The following CNTNAP2 variants were observed in gnomAD, a reference collection of about 807,000 sequenced individuals.
CNTNAP2 encodes contactin associated protein 2, also known as contactin-associated protein-like 2.
A neutral mutation model predicts 155.2 loss-of-function variants in CNTNAP2; 98 were observed. The observed-to-expected ratio is 0.63, with a 90% CI of 0.54 to 0.75. The LOEUF is 0.75. Ranked by LOEUF, CNTNAP2 falls within the 30% of genes least tolerant of loss-of-function variation. The pLI, the probability that CNTNAP2 is intolerant of heterozygous loss-of-function variation, is 0.00. For synonymous variants in CNTNAP2, 651 were observed against 631.2 expected (o/e 1.03, Z -0.47); for missense variants, 1,727 against 1,688.1 (o/e 1.02, Z -0.40).
At chr7:147,053,441 A>G (rs1484145568) in intron 4 of CNTNAP2, among the ~76,000 whole-genome samples, 1 of 152,110 alleles carries the variant, frequency 6.6e-6, no homozygotes, top group African/African-American at 2.4e-5. Context: ...GGAACAAGAC[A>G]GTTACAATTG....
intron 1 of CNTNAP2, among the ~76,000 whole-genome samples, chr7:146,297,964 A>C (rs2129087803): frequency 6.6e-6 from 1 of 152,252 alleles, no homozygotes; most frequent in South Asian, 2.1e-4. Flanking sequence ...TTTTGTTTGA[A>C]GAAATACTCT....
chr7:147,156,151 A>G (rs1442167190), intron 8 of CNTNAP2, among the ~76,000 whole-genome samples: 1 of 152,122 alleles, frequency 6.6e-6, no homozygotes, highest in African/African-American at 2.4e-5. Context: ...GGAGCCTCAT[A>G]CCCAGCATCA....
At chr7:147,510,289 G>A (rs542120209) in intron 11 of CNTNAP2, among the ~76,000 whole-genome samples, 1 of 152,218 alleles carries the variant, frequency 6.6e-6, no homozygotes, top group South Asian at 2.1e-4. Flanking sequence ...AGAGCAAATT[G>A]GCTGGCCATT....
At chr7:146,280,904 A>C (rs1800241137) in intron 1 of CNTNAP2, among the ~76,000 whole-genome samples, 6 of 152,172 alleles carry the variant, frequency 3.9e-5, no homozygotes, top group Admixed American at 3.9e-4. Flanking sequence ...TGAGCCAAAG[A>C]GACACCATGC....
intron 3 of CNTNAP2, among the ~76,000 whole-genome samples, chr7:146,903,001 A>T (rs1796034736): frequency 6.6e-6 from 1 of 152,202 alleles, no homozygotes; most frequent in South Asian, 2.1e-4. Context: ...CTGGACTACC[A>T]GCTGATTTTA....
At chr7:147,569,355 C>T (rs1026077710) in intron 12 of CNTNAP2, among the ~76,000 whole-genome samples, 3 of 151,232 alleles carry the variant, frequency 2.0e-5, no homozygotes, top group African/African-American at 7.3e-5. Flanking sequence ...ACCCACCCAC[C>T]TCCACCTCCC....
At position 146,788,485 on chromosome 7, in the gene CNTNAP2, T is replaced by A. The variant is rs530879216; in HGVS notation, c.208+14104T>A. Among the ~76,000 whole-genome samples the A allele has an allele frequency of 9.9e-5, 15 of 152,280 alleles. No individual in the cohort carries two copies. The South Asian group carries it at 3.1e-3, about 32-fold the overall frequency. On this transcript the variant is annotated intron_variant, in intron 2 of 23. Transcript: ENST00000361727. ...TAAATTTATTCCAACAAGAGGCTAA[T>A]AAAGCAGAAATGATGACTTCTTTAC...
At chr7:146,398,184 C>T (rs1165301855) in intron 1 of CNTNAP2, among the ~76,000 whole-genome samples, 18 of 107,020 alleles carry the variant, frequency 1.7e-4, no homozygotes, top group African/African-American at 3.3e-4. Context: ...CGGCCCCAAA[C>T]TTTTTTTTTT....
chr7:146,731,473 A>G (rs568233886), intron 1 of CNTNAP2, among the ~76,000 whole-genome samples: 20 of 151,830 alleles, frequency 1.3e-4, no homozygotes, highest in Non-Finnish European at 2.2e-4. Flanking sequence ...GCTCATTTCA[A>G]TGTTTAATGA....
chr7:146,151,015 C>T (rs1798028929), intron 1 of CNTNAP2, among the ~76,000 whole-genome samples: 1 of 152,176 alleles, frequency 6.6e-6, no homozygotes, highest in East Asian at 1.9e-4. Context: ...GGAAGCAAGG[C>T]ACCTTCATCA....
At chr7:147,306,446 G>C (rs1312295004) in intron 9 of CNTNAP2, among the ~76,000 whole-genome samples, 7 of 152,130 alleles carry the variant, frequency 4.6e-5, no homozygotes, top group Admixed American at 3.9e-4. Flanking sequence ...CCTCTGCGTA[G>C]GACCACGTAT....
chr7:147,279,580 A>C (rs1256381808), intron 8 of CNTNAP2, among the ~76,000 whole-genome samples: 1 of 151,818 alleles, frequency 6.6e-6, no homozygotes, highest in Admixed American at 6.6e-5. Flanking sequence ...GAGCTAAATT[A>C]TAATATTGAT....
At chr7:147,238,342 T>C (rs1269214464) in intron 8 of CNTNAP2, among the ~76,000 whole-genome samples, 1 of 152,018 alleles carries the variant, frequency 6.6e-6, no homozygotes, top group African/African-American at 2.4e-5. Flanking sequence ...AAATTTAGGG[T>C]CTACTACTAT....
At chr7:147,268,405 A>G (rs1804665616) in intron 8 of CNTNAP2, among the ~76,000 whole-genome samples, 1 of 152,196 alleles carries the variant, frequency 6.6e-6, no homozygotes, top group Non-Finnish European at 1.5e-5. Flanking sequence ...ATTTTCAGCA[A>G]ACTAACACAG....
At chr7:146,627,400 G>A (rs955917832) in intron 1 of CNTNAP2, among the ~76,000 whole-genome samples, 1 of 152,108 alleles carries the variant, frequency 6.6e-6, no homozygotes, top group Non-Finnish European at 1.5e-5. Flanking sequence ...AATGAAAGCT[G>A]TTTGATTATG....
At chr7:146,449,942 G>A (rs1384173232) in intron 1 of CNTNAP2, among the ~76,000 whole-genome samples, 1 of 152,080 alleles carries the variant, frequency 6.6e-6, no homozygotes, top group Non-Finnish European at 1.5e-5. Flanking sequence ...TTTCTGTGGA[G>A]CACTGACATC....
chr7:147,038,750 T>G (rs1021736880), intron 3 of CNTNAP2, among the ~76,000 whole-genome samples: 2 of 152,348 alleles, frequency 1.3e-5, no homozygotes, highest in Middle Eastern at 6.8e-3. Context: ...TATCATTTTG[T>G]ATTTTACATT....
At position 147,037,065 on chromosome 7, in the gene CNTNAP2, T is replaced by A. The variant is rs183403117; in HGVS notation, c.403-6842T>A. ...TACTTGTATTAAAACTGCAGAGGAC[T>A]TTGGGTGCTGATAATCACAAAAGAA... On this transcript the variant is annotated intron_variant, in intron 3 of 23. Coordinates refer to ENST00000361727, the MANE Select transcript of CNTNAP2 (RefSeq NM_014141.6). Among the ~76,000 whole-genome samples the A allele has an allele frequency of 2.6e-3, 399 of 152,278 alleles. 1 individual carries two copies. Among genetic ancestry groups the A allele is most frequent in the African/African-American group, 9.1e-3 (378 of 41,578 alleles).
intron 13 of CNTNAP2, among the ~76,000 whole-genome samples, chr7:147,802,944 A>G (rs1798031211): frequency 6.6e-6 from 1 of 152,156 alleles, no homozygotes; most frequent in East Asian, 1.9e-4. Flanking sequence ...CAATAATAAT[A>G]GTAATAATTA....
Sources: gnomAD v4.1 joint callset for allele counts (sites outside exome capture counted in the v4.1 genomes callset) on GRCh38, gnomAD v4.1.1 for gene constraint, MANE v1.5 for transcripts, NCBI Gene and HGNC (gene_info 2026-07-23, HGNC 2026-07-21) for gene names.